Variants in IGFBP7 observed in about 807,000 individuals in gnomAD.
The protein encoded by IGFBP7 is insulin like growth factor binding protein 7.
In IGFBP7, 31 loss-of-function variants were observed where a neutral mutation model predicts 29.4. The observed-to-expected ratio is 1.05, with a 90% confidence interval of 0.79 to 1.42. The LOEUF is 1.42. Ranked by LOEUF, IGFBP7 falls within the 40% of genes most tolerant of loss-of-function variation. IGFBP7 has a pLI of 0.00. For missense variants in IGFBP7, 393 were observed against 395.5 expected (o/e 0.99, Z 0.05); for synonymous variants, 172 against 174.9 (o/e 0.98, Z 0.13).
intron 1 of IGFBP7, among the ~76,000 whole-genome samples, chr4:57,107,601 C>T (rs1348422770): frequency 1.3e-5 from 2 of 152,216 alleles, no homozygotes; most frequent in South Asian, 2.1e-4. Flanking sequence ...CCATTCTCTT[C>T]TGCTCTCTTT....
Position 57,063,986 on chromosome 4 carries a change from T to C in IGFBP7, c.476-23053A>G, listed in dbSNP as rs1229227320. ...TAGTCAATTTATAAAATTTAAAAAT[T>C]GGAGGTTAAGTGGTCAGATTTTTTA... On this transcript the variant is annotated intron_variant, in intron 1 of 4. Transcript: ENST00000295666. Among the ~76,000 whole-genome samples, 6 of 152,202 alleles carry C rather than the reference T, an allele frequency of 3.9e-5. No individual in the cohort carries two copies. The East Asian group carries it at 1.2e-3, about 29-fold the overall frequency.
chr4:57,074,107 C>T lies in IGFBP7; in HGVS notation c.476-33174G>A, dbSNP rs2109779217. Among the ~76,000 whole-genome samples, 3 of 152,214 alleles carry T rather than the reference C, an allele frequency of 2.0e-5. No individual in the cohort carries two copies. In the South Asian group the frequency reaches 6.2e-4, roughly 32 times the overall value. Reference sequence around the variant, plus strand: ...ACACAGTCTCGCTGTGTCACCCAGGCTGGAGTGCAGTGGAGCAATCCCAGC... The same window carrying T: ...ACACAGTCTCGCTGTGTCACCCAGGTTGGAGTGCAGTGGAGCAATCCCAGC... On this transcript the variant is annotated intron_variant, in intron 1 of 4. Coordinates refer to ENST00000295666, the MANE Select transcript of IGFBP7 (RefSeq NM_001553.3).
intron 1 of IGFBP7, among the ~76,000 whole-genome samples, chr4:57,063,362 G>T (rs1449761240): frequency 2.6e-5 from 4 of 152,198 alleles, no homozygotes; most frequent in African/African-American, 4.8e-5. Context: ...CGTGGGCTCT[G>T]TGCTGCTAAG....
chr4:57,035,131 A>G (rs1385830035), intron 2 of IGFBP7, among the ~76,000 whole-genome samples: 1 of 152,230 alleles, frequency 6.6e-6, no homozygotes, highest in Non-Finnish European at 1.5e-5. Flanking sequence ...CAGCACTGAA[A>G]TACTGAATCT....
intron 1 of IGFBP7, among the ~76,000 whole-genome samples, chr4:57,069,204 A>C (rs994984750): frequency 2.0e-5 from 3 of 152,188 alleles, no homozygotes; most frequent in Admixed American, 6.5e-5. Flanking sequence ...TGAGTTGTCC[A>C]GTAAAGAAAC....
At chr4:57,042,378 C>T (rs887904871) in intron 1 of IGFBP7, among the ~76,000 whole-genome samples, 1 of 152,040 alleles carries the variant, frequency 6.6e-6, no homozygotes, top group Non-Finnish European at 1.5e-5. Flanking sequence ...GAGACAGAAC[C>T]TTACTCTGTT....
intron 1 of IGFBP7, among the ~76,000 whole-genome samples, chr4:57,062,663 G>A (rs1182194064): frequency 1.3e-5 from 2 of 152,182 alleles, no homozygotes; most frequent in Non-Finnish European, 2.9e-5. Flanking sequence ...AGTGTTTAAT[G>A]TGAAAATCAG....
In IGFBP7 at chr4:57,031,065, A is replaced by G. The variant is rs538634804; in HGVS notation, c.*252T>C. ...ATTGTGTGGCTTTTTAAAAATGACA[A>G]ATATGTACTGTGTTGTGATAAAAAG... On this transcript the variant is annotated 3_prime_UTR_variant, in exon 5 of 5. Coordinates refer to ENST00000295666, the MANE Select transcript of IGFBP7 (RefSeq NM_001553.3). 4.0e-5 allele frequency: 36 copies of G among 910,658 alleles called. No homozygotes were observed. The highest frequency in any genetic ancestry group is 2.6e-4 in the Middle Eastern group (1 of 3,810). The allele number at this position is 910,658 out of a possible 1,614,324, so 56.4% of individuals were successfully genotyped here.
chr4:57,068,347 C>T (rs1455851097), intron 1 of IGFBP7, among the ~76,000 whole-genome samples: 1 of 151,942 alleles, frequency 6.6e-6, no homozygotes, highest in Non-Finnish European at 1.5e-5. Context: ...TGCTAACCTC[C>T]AGTCAAAGGA....
intron 2 of IGFBP7, among the ~76,000 whole-genome samples, chr4:57,034,001 G>A (rs1724015662): frequency 7.3e-6 from 1 of 137,434 alleles, no homozygotes. Context: ...AGTGAGCTGA[G>A]ATCGCGCCAC....
chr4:57,061,102 T>C (rs1724789887), intron 1 of IGFBP7, among the ~76,000 whole-genome samples: 1 of 151,682 alleles, frequency 6.6e-6, no homozygotes, highest in African/African-American at 2.4e-5. Context: ...ACTAAATTCA[T>C]GAAAGAGGAA....
rs570713723 is a variant in IGFBP7 at position 57,086,648 on chromosome 4, G to A, written c.475+23229C>T. 4.6e-5 allele frequency among the ~76,000 whole-genome samples: 7 copies of A among 152,018 alleles called. No individual in the cohort carries two copies. In the South Asian group the frequency reaches 1.3e-3, roughly 27 times the overall value. On this transcript the variant is annotated intron_variant, in intron 1 of 4. Coordinates refer to ENST00000295666, the MANE Select transcript of IGFBP7 (RefSeq NM_001553.3). ...TGGTAAATGTTTTCCATGGGGCTTG[G>A]GTTTTGGTATCTAGAGGATTTACGT...
chr4:57,093,271 C>T (rs142625338), intron 1 of IGFBP7, among the ~76,000 whole-genome samples: 1 of 152,258 alleles, frequency 6.6e-6, no homozygotes, highest in African/African-American at 2.4e-5. Flanking sequence ...GAGACCGAGG[C>T]GGGCGGATCA....
chr4:57,066,000 T>C (rs1259037042), intron 1 of IGFBP7, among the ~76,000 whole-genome samples: 2 of 152,142 alleles, frequency 1.3e-5, no homozygotes, highest in Non-Finnish European at 2.9e-5. Context: ...GAGTTTGTGC[T>C]CAGACTCCAT....
At chr4:57,031,398 T>C (rs1196746089) in intron 4 of IGFBP7, 62 bp from the exon 5 acceptor site, 4 of 1,247,390 alleles carry the variant, frequency 3.2e-6, no homozygotes, top group East Asian at 2.3e-5. Flanking sequence ...GACTTTTGAA[T>C]TGGCAGGTAG....
intron 1 of IGFBP7, among the ~76,000 whole-genome samples, chr4:57,057,063 T>A (rs1485416145): frequency 6.6e-6 from 1 of 152,194 alleles, no homozygotes; most frequent in Non-Finnish European, 1.5e-5. Flanking sequence ...TGGAGTATAG[T>A]AGCACGATCA....
intron 1 of IGFBP7, among the ~76,000 whole-genome samples, chr4:57,071,545 GTC>G (rs369461448): frequency 6.6e-6 from 1 of 152,172 alleles, no homozygotes; most frequent in Admixed American, 6.5e-5. Context: ...AGGAAATTGG[GTC>G]TCTCTTTCTT....
chr4:57,050,807 C>A lies in IGFBP7; in HGVS notation c.476-9874G>T, dbSNP rs531424108. On this transcript the variant is annotated intron_variant, in intron 1 of 4. Transcript: ENST00000295666. ...CCTTGGCTTCAAGTGATCCTCCCTC[C>A]TCGGCCTCTCAAAGTGCTGGGGTTA... Among the ~76,000 whole-genome samples, 8 of 151,992 alleles carry A rather than the reference C, an allele frequency of 5.3e-5. No homozygotes were observed. In the South Asian group the frequency reaches 1.7e-3, roughly 32 times the overall value.
At chr4:57,089,759 T>C (rs573105844) in intron 1 of IGFBP7, among the ~76,000 whole-genome samples, 2 of 152,344 alleles carry the variant, frequency 1.3e-5, no homozygotes, top group East Asian at 3.9e-4. Context: ...CCAGTGATCA[T>C]TTCTGGCCAA....
Sources: allele counts gnomAD v4.1 joint callset (sites outside exome capture counted in the v4.1 genomes callset), GRCh38; gene constraint gnomAD v4.1.1; transcripts MANE v1.5; gene names NCBI Gene and HGNC (gene_info 2026-07-23, HGNC 2026-07-21).